Variants in UNC13C observed in about 807,000 individuals in gnomAD.
UNC13C encodes the protein protein unc-13 homolog C.
UNC13C carries 174 observed loss-of-function variants against 245.4 expected under a neutral mutation model. The observed-to-expected ratio is 0.71, with a 90% CI of 0.63 to 0.80. The LOEUF is 0.80. Ranked by LOEUF, UNC13C falls within the 30% of genes least tolerant of loss-of-function variation. UNC13C has a pLI of 0.00. For synonymous variants in UNC13C, 992 were observed against 895.1 expected (o/e 1.11, Z -1.93); for missense variants, 2,829 against 2,602.9 (o/e 1.09, Z -1.89).
chr15:54,597,909 G>A (rs2460603), intron 30 of UNC13C, among the ~76,000 whole-genome samples: 8,150 of 152,194 alleles, frequency 0.054, 734 homozygotes, highest in African/African-American at 0.19. Flanking sequence ...GGCATTAAAT[G>A]TATTCCAGGG....
At chr15:54,268,993 G>A (rs1179884199) in intron 10 of UNC13C, among the ~76,000 whole-genome samples, 1 of 149,054 alleles carries the variant, frequency 6.7e-6, no homozygotes, top group Non-Finnish European at 1.5e-5. Context: ...TTTCAATTCT[G>A]TCTTTCAACT....
chr15:54,583,007 T>TGCA (rs1898274908), intron 30 of UNC13C, among the ~76,000 whole-genome samples: 1 of 152,160 alleles, frequency 6.6e-6, no homozygotes, highest in Non-Finnish European at 1.5e-5. Flanking sequence ...GACCACAGAT[T>TGCA]GCTCGGTTAC....
intron 23 of UNC13C, among the ~76,000 whole-genome samples, chr15:54,507,923 C>G (rs556486670): frequency 1.3e-5 from 2 of 151,502 alleles, no homozygotes; most frequent in Admixed American, 1.3e-4. Context: ...TTTTTTCCCC[C>G]TCCAAAAATC....
At chr15:54,527,054 G>C (rs1566889110) in intron 25 of UNC13C, among the ~76,000 whole-genome samples, 1 of 152,180 alleles carries the variant, frequency 6.6e-6, no homozygotes, top group Non-Finnish European at 1.5e-5. Context: ...CTCAGCTGCT[G>C]AGCCAGAGCA....
intron 7 of UNC13C, 45 bp from the exon 8 acceptor site, chr15:54,250,180 T>A (rs1195143126): frequency 2.6e-6 from 4 of 1,559,700 alleles, no homozygotes; most frequent in Non-Finnish European, 3.5e-6. Context: ...ACAATTCAAA[T>A]CCACTGACTT....
At chr15:54,283,687 GATATATATGTGTGTAT>G (rs913008822) in intron 10 of UNC13C, among the ~76,000 whole-genome samples, 3 of 141,138 alleles carry the variant, frequency 2.1e-5, no homozygotes, top group African/African-American at 8.0e-5. Context: ...ATTTCTATGT[GATATATATGTGTGTAT>G]ATATATATGT....
intron 28 of UNC13C, among the ~76,000 whole-genome samples, chr15:54,554,785 C>A (rs1030273423): frequency 7.2e-5 from 11 of 152,048 alleles, no homozygotes; most frequent in African/African-American, 2.4e-4. Context: ...TTTCTGCCAT[C>A]ATTTCCCTAA....
chr15:54,114,979 T>G (rs2030126242), intron 2 of UNC13C, among the ~76,000 whole-genome samples: 1 of 152,156 alleles, frequency 6.6e-6, no homozygotes, highest in African/African-American at 2.4e-5. Flanking sequence ...CTTAATGAAT[T>G]GGAATTTAAA....
intron 2 of UNC13C, among the ~76,000 whole-genome samples, chr15:54,118,091 G>C (rs2030399983): frequency 6.6e-6 from 1 of 151,542 alleles, no homozygotes; most frequent in African/African-American, 2.4e-5. Flanking sequence ...TGATGCTTCA[G>C]CTTTTTCTTT....
Position 54,567,796 on chromosome 15 carries a change from G to A in UNC13C, c.5959-4G>A. ...TGCCTCGGCTTATTTTTTTTTCTTT[G>A]TAGCAATACTTTCATGCAGGAGGAA... On this transcript the variant is annotated splice_region_variant and splice_polypyrimidine_tract_variant and intron_variant, in intron 29 of 32. Coordinates refer to ENST00000260323, the MANE Select transcript of UNC13C (RefSeq NM_001080534.3). 1 of 1,560,744 alleles carries A rather than the reference G, an allele frequency of 6.4e-7. No individual in the cohort carries two copies. The highest frequency in any genetic ancestry group is 8.7e-7 in the Non-Finnish European group (1 of 1,155,620).
intron 1 of UNC13C, among the ~76,000 whole-genome samples, chr15:53,981,891 T>C (rs1893942858): frequency 1.3e-5 from 2 of 152,186 alleles, no homozygotes; most frequent in African/African-American, 4.8e-5. Flanking sequence ...GGCATAAATG[T>C]TTCCCATCTC....
intron 19 of UNC13C, among the ~76,000 whole-genome samples, chr15:54,427,468 A>G (rs994052723): frequency 6.6e-6 from 1 of 151,766 alleles, no homozygotes; most frequent in African/African-American, 2.4e-5. Context: ...AGTCTCAGGT[A>G]TGTCTTTATC....
intron 16 of UNC13C, 42 bp from the exon 17 acceptor site, chr15:54,338,319 G>T: frequency 6.3e-7 from 1 of 1,594,544 alleles, no homozygotes. Flanking sequence ...ATTACAATGT[G>T]TCACTGTTGC....
chr15:54,447,274 G>A (rs1442953445), intron 19 of UNC13C, among the ~76,000 whole-genome samples: 2 of 151,952 alleles, frequency 1.3e-5, no homozygotes, highest in East Asian at 3.9e-4. Context: ...TTGGTATCAG[G>A]ATGATACCTC....
chr15:54,376,814 G>C (rs1231503100), intron 17 of UNC13C, among the ~76,000 whole-genome samples: 1 of 152,182 alleles, frequency 6.6e-6, no homozygotes, highest in Non-Finnish European at 1.5e-5. Context: ...GAGTTCAATA[G>C]GTTTCATGAT....
In UNC13C at chr15:54,389,251, A is replaced by C. The variant is rs564222171; in HGVS notation, c.4714-3797A>C. Among the ~76,000 whole-genome samples, 8 of 152,324 alleles carry C rather than the reference A, an allele frequency of 5.3e-5. No homozygotes were observed. The South Asian group carries it at 1.7e-3, about 32-fold the overall frequency. On this transcript the variant is annotated intron_variant, in intron 17 of 32. Coordinates refer to ENST00000260323, the MANE Select transcript of UNC13C (RefSeq NM_001080534.3). ...TAGCAAGTTCAAATCCATTTAAGAA[A>C]CTAATGCTTTAGTATTACCTCTTAG...
At chr15:53,941,980 G>A in the UNC13C span, among the ~76,000 whole-genome samples, 1 of 152,086 alleles carries the variant, frequency 6.6e-6, no homozygotes, top group East Asian at 1.9e-4. Context: ...GTTCAACATT[G>A]TGGAAGACAG....
intron 30 of UNC13C, among the ~76,000 whole-genome samples, chr15:54,619,288 C>G (rs1263204794): frequency 6.6e-6 from 1 of 152,174 alleles, no homozygotes; most frequent in Non-Finnish European, 1.5e-5. Flanking sequence ...TCTAGAATCT[C>G]TCCAATGGCA....
rs1392954591 is a variant in UNC13C, at chr15:54,013,768, G to T, written c.865G>T (p.Glu289Ter). The T allele has an allele frequency of 6.2e-7, 1 of 1,610,768 alleles. No individual in the cohort carries two copies. ...SSVEVVQSEIEQLRTGFVQSR... is the reference protein window; with the variant it reads ...SSVEVVQSEI ...TGTGGAGGTTGTACAAAGTGAAATT[G>T]AGCAGTTGCGCACAGGGTTTGTCCA... The change falls in exon 2 of 33, where the codon GAG becomes TAG. Residue 289 changes from glutamate (E) to a stop codon, truncating the protein, a stop_gained. Transcript: ENST00000260323. LOFTEE classifies it high-confidence loss of function.
Sources: gnomAD v4.1 joint callset for allele counts (sites outside exome capture counted in the v4.1 genomes callset) on GRCh38, gnomAD v4.1.1 for gene constraint, MANE v1.5 for transcripts, NCBI Gene and HGNC (gene_info 2026-07-23, HGNC 2026-07-21) for gene names.